Variants in MLC1 observed in about 807,000 individuals in gnomAD.
MLC1 encodes the protein membrane protein MLC1.
Under a neutral mutation model 44.7 loss-of-function variants are expected in MLC1, and 32 were observed. That is an observed-to-expected ratio of 0.72 (90% CI 0.54 to 0.96). MLC1 has a LOEUF of 0.96. Ranked by LOEUF, MLC1 falls within the 40% of genes least tolerant of loss-of-function variation. MLC1 has a pLI of 0.00. For missense variants in MLC1, 459 were observed against 492.2 expected, an observed-to-expected ratio of 0.93 and a Z score of 0.64; for synonymous variants, 190 against 213.0, an observed-to-expected ratio of 0.89 and a Z score of 0.94.
chr22:50,071,504 C>T (rs564726069), intron 8 of MLC1, among the ~76,000 whole-genome samples: 41 of 152,324 alleles, frequency 2.7e-4, no homozygotes, highest in Non-Finnish European at 4.9e-4. Flanking sequence ...GTCCCTCAGC[C>T]TCTGTCACCT....
At chr22:50,075,508 G>C (rs2061957929) in intron 7 of MLC1, among the ~76,000 whole-genome samples, 1 of 152,160 alleles carries the variant, frequency 6.6e-6, no homozygotes, top group Admixed American at 6.5e-5. Context: ...TCAGGAGTTT[G>C]AGTACAGCCT....
chr22:50,073,075 C>G (rs7292565), intron 8 of MLC1, among the ~76,000 whole-genome samples: 145 of 114,948 alleles, frequency 1.3e-3, no homozygotes, highest in East Asian at 3.5e-3. Context: ...GCCCCTTCTC[C>G]GCAGTCCACC....
intron 11 of MLC1, among the ~76,000 whole-genome samples, chr22:50,063,630 T>C (rs1293476817): frequency 2.0e-5 from 3 of 151,328 alleles, no homozygotes; most frequent in Non-Finnish European, 4.4e-5. Flanking sequence ...CGCAGGCCTC[T>C]CACCTCCCCA....
At position 50,083,352 on chromosome 22, in the gene MLC1, C is replaced by A. The variant is rs9617147; in HGVS notation, c.178-179G>T. On this transcript the variant is annotated intron_variant, in intron 2 of 11. Transcript: ENST00000311597. This position sits in a 1 kb window ranked among gnomAD's most constrained non-coding sequence, Gnocchi z 4.6. ...ACTCCTCCTGTAGGACAGACGCAGCCCCGCCGCAGCCCAGGACATGGACCA... is the reference window on the plus strand; with the variant it reads ...ACTCCTCCTGTAGGACAGACGCAGCACCGCCGCAGCCCAGGACATGGACCA... Among the ~76,000 whole-genome samples the A allele has an allele frequency of 0.21, 32,489 of 151,894 alleles. 3,705 individuals carry two copies. Among genetic ancestry groups the A allele is most frequent in the South Asian group, 0.31 (1,501 of 4,798 alleles).
intron 10 of MLC1, 69 bp from the exon 11 acceptor site, chr22:50,064,267 C>A: frequency 6.5e-6 from 10 of 1,531,942 alleles, no homozygotes; most frequent in Non-Finnish European, 8.8e-6. Flanking sequence ...AAAGCTCCCT[C>A]GTGCCCACGG....
chr22:50,084,435 C>T (rs946548843), intron 2 of MLC1, among the ~76,000 whole-genome samples: 1 of 152,226 alleles, frequency 6.6e-6, no homozygotes, highest in African/African-American at 2.4e-5. Flanking sequence ...AGCCGAGGGT[C>T]ATGGAGACTC....
intron 10 of MLC1, among the ~76,000 whole-genome samples, chr22:50,065,732 G>T (rs2061688266): frequency 6.6e-6 from 1 of 152,244 alleles, no homozygotes; most frequent in Admixed American, 6.5e-5. Context: ...CCATTGGCAG[G>T]AGGGAAGGTG....
intron 8 of MLC1, among the ~76,000 whole-genome samples, chr22:50,071,769 C>T (rs1248857615): frequency 1.3e-5 from 2 of 152,206 alleles, no homozygotes; most frequent in African/African-American, 2.4e-5. Flanking sequence ...TGTGAGGAGC[C>T]TGCCTTAGTT....
chr22:50,079,200 C>T (rs1454261089), intron 5 of MLC1, among the ~76,000 whole-genome samples: 1 of 151,996 alleles, frequency 6.6e-6, no homozygotes, highest in Non-Finnish European at 1.5e-5. Flanking sequence ...AGGAGAATTG[C>T]TTGAACCCGG....
In MLC1 at chr22:50,061,205, T is replaced by TGACCCCC. The variant is rs141063000; in HGVS notation, c.*377_*378insGGGGGTC. 0.13 allele frequency: 43,399 copies of TGACCCCC among 334,438 alleles called. 3,197 individuals are homozygous for TGACCCCC. Among genetic ancestry groups the TGACCCCC allele is most frequent in the South Asian group, 0.2 (7,009 of 35,086 alleles). The allele number at this position is 334,438 out of a possible 1,614,324, so 20.7% of individuals were successfully genotyped here. A position where few individuals can be genotyped will look rare whatever the true frequency, so the allele number is the denominator to read the frequency against. ...GCAGGAGACGCAGGGACCCACAGTC[T>TGACCCCC]GGTCAGGTCCAGAGAGCCCACTCCA... is the stretch of plus-strand genomic sequence containing the variant. On this transcript the variant is annotated 3_prime_UTR_variant, in exon 12 of 12. Transcript: ENST00000311597.
chr22:50,078,802 G>A (rs184090620), intron 5 of MLC1, among the ~76,000 whole-genome samples: 1 of 151,836 alleles, frequency 6.6e-6, no homozygotes, highest in East Asian at 1.9e-4. Flanking sequence ...ATTCAGAAAA[G>A]TGTGACATTA....
In MLC1 at chr22:50,083,646, C is replaced by T. The variant is rs13054047; in HGVS notation, c.178-473G>A. Among the ~76,000 whole-genome samples, 6,347 of 152,272 alleles carry T rather than the reference C, an allele frequency of 0.042. 196 individuals are homozygous for T. The highest frequency in any genetic ancestry group is 0.095 in the Middle Eastern group (28 of 294). ...CAGGCAGGGGCTCCAGGCCCAGGGG[C>T]TCCTGAGCAGGGAAGACCCTAGCAG... On this transcript the variant is annotated intron_variant, in intron 2 of 11. Transcript: ENST00000311597. The surrounding 1 kb of genome is among the most constrained non-coding windows in gnomAD (Gnocchi z 4.6).
intron 8 of MLC1, among the ~76,000 whole-genome samples, chr22:50,071,575 G>A (rs1176271541): frequency 6.6e-6 from 1 of 152,180 alleles, no homozygotes; most frequent in Non-Finnish European, 1.5e-5. Flanking sequence ...CTCCGTGTGG[G>A]ACAGGATTTC....
chr22:50,082,045 G>A (rs566340169), intron 3 of MLC1, among the ~76,000 whole-genome samples: 5 of 152,346 alleles, frequency 3.3e-5, no homozygotes, highest in African/African-American at 9.6e-5. Context: ...AAGACATTTC[G>A]GGGGCGCTGC....
In MLC1 at chr22:50,084,649, C is replaced by T. The variant is rs55751312; in HGVS notation, c.177+77G>A. ...GTTGCTCTCTCTGTCCCACCTGGGG[C>T]TCCAGGGCGCTGCAGTCCGTCACCA... On this transcript the variant is annotated intron_variant, in intron 2 of 11. Transcript: ENST00000311597. 50,917 of 1,513,720 alleles carry T rather than the reference C, an allele frequency of 0.034. 1,037 individuals carry two copies. The highest frequency in any genetic ancestry group is 0.06 in the Middle Eastern group (272 of 4,518). 93.8% of individuals were successfully genotyped at this position (1,513,720 alleles called of 1,614,324 possible).
chr22:50,078,957 G>A (rs2062048770), intron 5 of MLC1, among the ~76,000 whole-genome samples: 2 of 151,984 alleles, frequency 1.3e-5, no homozygotes. Flanking sequence ...ACTGACCCAG[G>A]GACCACACCC....
intron 7 of MLC1, 90 bp from the exon 8 acceptor site, chr22:50,074,422 G>A: frequency 1.7e-6 from 2 of 1,172,816 alleles, no homozygotes; most frequent in Non-Finnish European, 2.5e-6. Context: ...ACCCCCAGGA[G>A]CAGGGTCCAG....
chr22:50,077,181 A>G (rs2146882957), intron 6 of MLC1, among the ~76,000 whole-genome samples: 1 of 152,290 alleles, frequency 6.6e-6, no homozygotes, highest in Admixed American at 6.5e-5. Flanking sequence ...AGGGTACAGC[A>G]TCTGTCTTCA....
At chr22:50,064,305 C>A in intron 10 of MLC1, 107 bp from the exon 11 acceptor site, 1 of 1,373,856 alleles carries the variant, frequency 7.3e-7, no homozygotes, top group South Asian at 1.3e-5. Context: ...TGCCAGGGCT[C>A]GAGTCGGAGC....
Sources: allele counts gnomAD v4.1 joint callset (sites outside exome capture counted in the v4.1 genomes callset), GRCh38; gene constraint gnomAD v4.1.1; non-coding constraint Gnocchi (gnomAD v3.1); transcripts MANE v1.5; gene names NCBI Gene and HGNC (gene_info 2026-07-23, HGNC 2026-07-21).